The following LARGE1 variants were observed in gnomAD, a reference collection of about 807,000 sequenced individuals.
LARGE1 encodes the protein xylosyl- and glucuronyltransferase LARGE1.
A neutral mutation model predicts 87.6 loss-of-function variants in LARGE1; 43 were observed. The observed-to-expected ratio is 0.49, with a 90% CI of 0.38 to 0.63. The LOEUF (loss-of-function observed/expected upper bound fraction) is 0.63. LARGE1 is among the 30% of genes least tolerant of loss of function. The pLI, the probability that LARGE1 is intolerant of heterozygous loss-of-function variation, is 0.00. For synonymous variants in LARGE1, 434 were observed against 394.6 expected (o/e 1.10, Z -1.18); for missense variants, 802 against 1,000.2 (o/e 0.80, Z 2.67).
intron 1 of LARGE1, among the ~76,000 whole-genome samples, chr22:33,881,665 A>AACATACAGAAT (rs2146759944): frequency 6.6e-6 from 1 of 152,332 alleles, no homozygotes; most frequent in South Asian, 2.1e-4. Flanking sequence ...CCTCTCATAA[A>AACATACAGAAT]ACATACAGAA....
At chr22:33,174,261 A>C (rs897124550) in intron 11 of LARGE1, among the ~76,000 whole-genome samples, 3 of 152,206 alleles carry the variant, frequency 2.0e-5, no homozygotes, top group African/African-American at 7.2e-5. Flanking sequence ...TAATGAAATA[A>C]AGGCAGAAAT....
chr22:33,432,778 C>T (rs184678537), intron 6 of LARGE1, among the ~76,000 whole-genome samples: 2 of 152,298 alleles, frequency 1.3e-5, no homozygotes, highest in East Asian at 1.9e-4. Context: ...TTTGCTGAGA[C>T]GAGAGCCCAA....
At chr22:33,877,385 A>AT (rs576074969) in intron 1 of LARGE1, among the ~76,000 whole-genome samples, 164 of 151,988 alleles carry the variant, frequency 1.1e-3, no homozygotes, top group African/African-American at 3.7e-3. Flanking sequence ...CTCCAAAAAA[A>AT]TTTTTTTTCC....
chr22:33,603,783 G>C (rs373547647), intron 5 of LARGE1, among the ~76,000 whole-genome samples: 1 of 152,118 alleles, frequency 6.6e-6, no homozygotes, highest in East Asian at 1.9e-4. Flanking sequence ...CTTCTTAATC[G>C]GGCTGTGGGT....
chr22:33,648,701 T>C (rs2080697552), intron 3 of LARGE1, among the ~76,000 whole-genome samples: 1 of 152,146 alleles, frequency 6.6e-6, no homozygotes, highest in African/African-American at 2.4e-5. Context: ...CCACTGACAG[T>C]GGTTGTCAAA....
intron 1 of LARGE1, among the ~76,000 whole-genome samples, chr22:33,859,083 T>G (rs2063839059): frequency 6.6e-6 from 1 of 152,078 alleles, no homozygotes; most frequent in African/African-American, 2.4e-5. Context: ...GACAAATACC[T>G]AATGTAGATG....
chr22:33,291,239 C>T lies in LARGE1; in HGVS notation c.1731-7891G>A, dbSNP rs148667296. 1.6e-3 allele frequency among the ~76,000 whole-genome samples: 243 copies of T among 152,282 alleles called. 4 individuals are homozygous for T. The highest frequency in any genetic ancestry group is 5.4e-4 in the Non-Finnish European group (37 of 68,030). On this transcript the variant is annotated intron_variant, in intron 12 of 14. Transcript: ENST00000397394. ...GGAAAACTCTACGACCAACACCTAACTCCTTCACAGTGAGTGAAGACCCGG... is the reference window on the plus strand; with the variant it reads ...GGAAAACTCTACGACCAACACCTAATTCCTTCACAGTGAGTGAAGACCCGG...
chr22:33,497,071 CTT>C (rs5845088), intron 6 of LARGE1, among the ~76,000 whole-genome samples: 4 of 133,900 alleles, frequency 3.0e-5, no homozygotes, highest in Admixed American at 7.5e-5. Context: ...CTTTTCTTTT[CTT>C]TTTTTTTTTT....
intron 10 of LARGE1, among the ~76,000 whole-genome samples, chr22:33,335,295 G>A (rs999228210): frequency 1.3e-5 from 2 of 152,294 alleles, no homozygotes; most frequent in Non-Finnish European, 2.9e-5. Context: ...GAGTTCCAGT[G>A]CTTAATGGTT....
At chr22:33,417,658 C>T (rs2066546274) in intron 7 of LARGE1, among the ~76,000 whole-genome samples, 1 of 152,156 alleles carries the variant, frequency 6.6e-6, no homozygotes, top group Non-Finnish European at 1.5e-5. Context: ...TCTTGCAAGA[C>T]CAAAGTCAAG....
intron 9 of LARGE1, among the ~76,000 whole-genome samples, chr22:33,364,058 TA>T (rs200586386): frequency 8.3e-6 from 1 of 120,722 alleles, no homozygotes; most frequent in African/African-American, 4.6e-5. Context: ...CTTTGCTATA[TA>T]TTTTTTTTTT....
In LARGE1 at chr22:33,616,102, C is replaced by T. The variant is rs1476779246; in HGVS notation, c.491+10142G>A. 1.3e-5 allele frequency among the ~76,000 whole-genome samples: 2 copies of T among 152,080 alleles called. 1 individual carries two copies. Among genetic ancestry groups the T allele is most frequent in the Admixed American group, 1.3e-4 (2 of 15,250 alleles). The stretch of plus-strand genomic sequence containing the variant: ...GCAGCTGGTAGGAGAAACAGTTTGG[C>T]AATTTCTCAAAAAATTAAGCATAAA... On this transcript the variant is annotated intron_variant, in intron 4 of 14. Transcript: ENST00000397394.
chr22:33,286,409 A>G (rs76416233), intron 12 of LARGE1, among the ~76,000 whole-genome samples: 6,338 of 152,214 alleles, frequency 0.042, 177 homozygotes, highest in Middle Eastern at 0.068. Flanking sequence ...CAAGACAGCA[A>G]AGCCCTTGGA....
rs940010147 is a variant in LARGE1 at position 33,198,630 on chromosome 22, C to T, written c.1731-31798G>A. Among the ~76,000 whole-genome samples, 638 of 127,828 alleles carry T rather than the reference C, an allele frequency of 5.0e-3. 4 individuals carry two copies. Among genetic ancestry groups the T allele is most frequent in the African/African-American group, 0.019 (599 of 32,310 alleles). 83.9% of individuals were successfully genotyped at this position (127,828 alleles called of 152,430 possible). A position where few individuals can be genotyped will look rare whatever the true frequency, so the allele number is the denominator to read the frequency against. ...TCCAAACTTTTATAGTATATATATACACCGTGACACACACACACACACACA... is the reference window on the plus strand; with the variant it reads ...TCCAAACTTTTATAGTATATATATATACCGTGACACACACACACACACACA... On this transcript the variant is annotated intron_variant, in intron 11 of 11. Coordinates refer to the LARGE1 transcript ENST00000608642.
chr22:33,168,857 A>G (rs984727933), intron 11 of LARGE1, among the ~76,000 whole-genome samples: 2 of 152,242 alleles, frequency 1.3e-5, no homozygotes, highest in African/African-American at 4.8e-5. Flanking sequence ...ACTGTTTTAC[A>G]AGAAGATATT....
intron 2 of LARGE1, among the ~76,000 whole-genome samples, chr22:33,745,031 T>A (rs2084027871): frequency 6.6e-6 from 1 of 152,172 alleles, no homozygotes; most frequent in Admixed American, 6.5e-5. Context: ...TGTTAATTTC[T>A]ATTATCCCAC....
Position 33,812,964 on chromosome 22 carries a change from T to C in LARGE1, c.-82-51406A>G, listed in dbSNP as rs576978179. ...AACTAGCACTGTTTGCTTTCTGGTTTTCTCCTATTAGGTGGTACCAAATTG... is the reference window on the plus strand; with the variant it reads ...AACTAGCACTGTTTGCTTTCTGGTTCTCTCCTATTAGGTGGTACCAAATTG... On this transcript the variant is annotated intron_variant, in intron 1 of 14. Transcript: ENST00000397394. Among the ~76,000 whole-genome samples, 3 of 152,196 alleles carry C rather than the reference T, an allele frequency of 2.0e-5. No individual in the cohort carries two copies. The South Asian group carries it at 6.2e-4, about 31-fold the overall frequency.
At chr22:33,398,027 A>G (rs1010755522) in intron 7 of LARGE1, among the ~76,000 whole-genome samples, 5 of 151,986 alleles carry the variant, frequency 3.3e-5, no homozygotes, top group African/African-American at 9.7e-5. Context: ...AGTTCTTCAT[A>G]TATTTTTCTT....
chr22:33,134,244 C>T, the LARGE1 span, among the ~76,000 whole-genome samples: 1 of 147,232 alleles, frequency 6.8e-6, no homozygotes, highest in Non-Finnish European at 1.5e-5. Flanking sequence ...TCTGCACTCA[C>T]AAAGAACTCC....
Sources: gnomAD v4.1 joint callset for allele counts (sites outside exome capture counted in the v4.1 genomes callset) on GRCh38, gnomAD v4.1.1 for gene constraint, MANE v1.5 for transcripts, NCBI Gene and HGNC (gene_info 2026-07-23, HGNC 2026-07-21) for gene names.